Variants in RNF180 observed in about 807,000 individuals in gnomAD.
The protein encoded by RNF180 is ring finger protein 180.
RNF180 carries 38 observed loss-of-function variants against 59.2 expected under a neutral mutation model. The observed-to-expected ratio is 0.64, with a 90% CI of 0.50 to 0.84. The LOEUF (loss-of-function observed/expected upper bound fraction) is 0.84, where lower values mean the gene tolerates loss of function less well. Ranked by LOEUF, RNF180 falls within the 40% of genes least tolerant of loss-of-function variation. RNF180 has a pLI of 0.00. For missense variants in RNF180, 705 were observed against 700.9 expected (o/e 1.01, Z -0.07); for synonymous variants, 262 against 240.3 (o/e 1.09, Z -0.84).
chr5:64,249,240 C>A (rs1743402474), intron 5 of RNF180, among the ~76,000 whole-genome samples: 1 of 151,962 alleles, frequency 6.6e-6, no homozygotes, highest in African/African-American at 2.4e-5. Flanking sequence ...TATTCTAGAA[C>A]TTAAAGTATA....
chr5:64,238,295 T>C (rs942524189), intron 5 of RNF180, among the ~76,000 whole-genome samples: 1 of 152,236 alleles, frequency 6.6e-6, no homozygotes, highest in Non-Finnish European at 1.5e-5. Flanking sequence ...AGTGCTACAG[T>C]GAACATAGGA....
At chr5:64,185,797 C>G (rs553292692) in intron 1 of RNF180, among the ~76,000 whole-genome samples, 1 of 152,278 alleles carries the variant, frequency 6.6e-6, no homozygotes, top group South Asian at 2.1e-4. Context: ...GAGGAAGAAT[C>G]AGATGTACTC....
intron 7 of RNF180, among the ~76,000 whole-genome samples, chr5:64,362,125 A>G (rs756415653): frequency 4.0e-5 from 6 of 151,412 alleles, no homozygotes; most frequent in Non-Finnish European, 7.4e-5. Context: ...TACATGTGCA[A>G]GTTTGTTATA....
chr5:64,358,326 G>T (rs1432967403), intron 7 of RNF180, among the ~76,000 whole-genome samples: 1 of 151,792 alleles, frequency 6.6e-6, no homozygotes, highest in Admixed American at 6.6e-5. Context: ...CATTTTCATT[G>T]GTCAAGTCCC....
chr5:64,364,474 C>T (rs1746372640), intron 7 of RNF180, among the ~76,000 whole-genome samples: 1 of 151,616 alleles, frequency 6.6e-6, no homozygotes, highest in South Asian at 2.1e-4. Flanking sequence ...TTCAATTTGC[C>T]AGTATTATGT....
At chr5:64,235,909 G>C (rs1243268597) in intron 5 of RNF180, among the ~76,000 whole-genome samples, 1 of 152,190 alleles carries the variant, frequency 6.6e-6, no homozygotes, top group African/African-American at 2.4e-5. Flanking sequence ...ATGTGGAACT[G>C]TGAGTTAATT....
At chr5:64,307,679 C>T (rs1427092714) in intron 5 of RNF180, among the ~76,000 whole-genome samples, 1 of 151,686 alleles carries the variant, frequency 6.6e-6, no homozygotes, top group Non-Finnish European at 1.5e-5. Context: ...CCTAGTCTAC[C>T]TTAAACGTGC....
At chr5:64,285,307 C>T (rs765398365) in intron 5 of RNF180, among the ~76,000 whole-genome samples, 24 of 152,162 alleles carry the variant, frequency 1.6e-4, no homozygotes, top group African/African-American at 4.3e-4. Flanking sequence ...ACTTGCATGC[C>T]GTTGTCACTA....
chr5:64,361,933 AT>A (rs957513462), intron 7 of RNF180, among the ~76,000 whole-genome samples: 1 of 151,484 alleles, frequency 6.6e-6, no homozygotes, highest in East Asian at 1.9e-4. Flanking sequence ...GACAAAAAAA[AT>A]CTTGGATATT....
intron 7 of RNF180, among the ~76,000 whole-genome samples, chr5:64,347,135 C>A (rs1745589298): frequency 6.6e-6 from 1 of 152,184 alleles, no homozygotes; most frequent in Admixed American, 6.5e-5. Flanking sequence ...AACTACAGTG[C>A]AAATTTAAGA....
At chr5:64,234,567 A>C (rs1233791813) in intron 5 of RNF180, among the ~76,000 whole-genome samples, 2 of 126,694 alleles carry the variant, frequency 1.6e-5, no homozygotes, top group Admixed American at 8.6e-5. Context: ...TCCAAATGGC[A>C]GTTACCCGTT....
At position 64,372,592 on chromosome 5, in the gene RNF180, T is replaced by TAAAC. The variant is rs1402820280; in HGVS notation, c.*2780_*2783dup. The TAAAC allele has an allele frequency of 1.3e-5, 2 of 151,944 alleles. No individual in the cohort carries two copies. The highest frequency in any genetic ancestry group is 4.8e-5 in the African/African-American group (2 of 41,432). The allele number at this position is 151,944 out of a possible 1,614,324, so 9.4% of individuals were successfully genotyped here. A position where few individuals can be genotyped will look rare whatever the true frequency, so the allele number is the denominator to read the frequency against. ...ATGGCTAAATGAATATACAGATTCTTAAACATCTAATTTTTATATGGATTT... is the reference window on the plus strand; with the variant it reads ...ATGGCTAAATGAATATACAGATTCTTAAACAAACATCTAATTTTTATATGGATTT... On this transcript the variant is annotated 3_prime_UTR_variant, in exon 8 of 8. Transcript: ENST00000389100.
At chr5:64,238,447 TATC>T (rs1345167246) in intron 5 of RNF180, among the ~76,000 whole-genome samples, 1 of 152,228 alleles carries the variant, frequency 6.6e-6, no homozygotes, top group Non-Finnish European at 1.5e-5. Context: ...CATTTTTCAT[TATC>T]ATCAACAGTA....
Position 64,233,260 on chromosome 5 carries a change from A to G in RNF180, c.1227+15864A>G, listed in dbSNP as rs1256213975. 2.0e-5 allele frequency among the ~76,000 whole-genome samples: 3 copies of G among 152,236 alleles called. No individual in the cohort carries two copies. In the East Asian group the frequency reaches 5.8e-4, roughly 29 times the overall value. ...CATAAGTACCCAATCATTGGTAGCT[A>G]TAATTATTTTAAGTGTTAAAGCATT... is the stretch of plus-strand genomic sequence containing the variant. On this transcript the variant is annotated intron_variant, in intron 5 of 7. Transcript: ENST00000389100.
At chr5:64,301,300 A>T (rs80324418) in intron 5 of RNF180, among the ~76,000 whole-genome samples, 6,820 of 151,782 alleles carry the variant, frequency 0.045, 502 homozygotes, top group African/African-American at 0.15. Flanking sequence ...TTTAATCCTC[A>T]TAGTCATTAT....
chr5:64,357,017 A>T (rs914985966), intron 7 of RNF180, among the ~76,000 whole-genome samples: 3 of 152,016 alleles, frequency 2.0e-5, no homozygotes, highest in Non-Finnish European at 2.9e-5. Context: ...CTATTTTTTT[A>T]AAAAAGCAGT....
rs183499682 is a variant in RNF180, at chr5:64,208,759, A to G, written c.136-3306A>G. ...CAGCTTTTTATGCTTTCCTACCTGT[A>G]TGAATTGCTATTCCTCTCTTTTTGG... is the stretch of plus-strand genomic sequence containing the variant. On this transcript the variant is annotated intron_variant, in intron 2 of 7. Transcript: ENST00000389100. 2.7e-3 allele frequency among the ~76,000 whole-genome samples: 415 copies of G among 152,150 alleles called. 2 individuals carry two copies. The highest frequency in any genetic ancestry group is 6.8e-3 in the Middle Eastern group (2 of 294).
intron 5 of RNF180, among the ~76,000 whole-genome samples, chr5:64,261,982 G>A (rs548944693): frequency 1.3e-5 from 2 of 152,218 alleles, no homozygotes; most frequent in Admixed American, 6.6e-5. Flanking sequence ...CCAGAACAAA[G>A]CTATATTGTT....
rs139358309 is a variant in RNF180, at chr5:64,277,123, C to A, written c.1228-48063C>A. 2.7e-5 allele frequency among the ~76,000 whole-genome samples: 4 copies of A among 148,990 alleles called. No individual in the cohort carries two copies. The South Asian group carries it at 8.4e-4, about 31-fold the overall frequency. On this transcript the variant is annotated intron_variant, in intron 5 of 7. Coordinates refer to ENST00000389100, the MANE Select transcript of RNF180 (RefSeq NM_001113561.2). The stretch of plus-strand genomic sequence containing the variant: ...AATCCCCAATGTGATATTTGGAGAC[C>A]GAGCTTTTAAGGTTAAATGAAGTTA...
Sources: gnomAD v4.1 joint callset for allele counts (sites outside exome capture counted in the v4.1 genomes callset) on GRCh38, gnomAD v4.1.1 for gene constraint, MANE v1.5 for transcripts, NCBI Gene and HGNC (gene_info 2026-07-23, HGNC 2026-07-21) for gene names.